The following MED27 variants were observed in gnomAD, a reference collection of about 807,000 sequenced individuals.
MED27 encodes the protein mediator complex subunit 27, also known as mediator of RNA polymerase II transcription subunit 27.
Under a neutral mutation model 38.2 loss-of-function variants are expected in MED27, and 30 were observed. That is an observed-to-expected ratio of 0.79 (90% CI 0.59 to 1.07). MED27 has a LOEUF of 1.07. MED27 is among the 50% of genes least tolerant of loss of function. The pLI is 0.00. For synonymous variants in MED27, 122 were observed against 153.5 expected (o/e 0.79, Z 1.52); for missense variants, 289 against 397.5 (o/e 0.73, Z 2.32).
chr9:132,018,382 A>C (rs1408919608), intron 2 of MED27, among the ~76,000 whole-genome samples: 1 of 152,238 alleles, frequency 6.6e-6, no homozygotes, highest in Non-Finnish European at 1.5e-5. Context: ...AGGAAATGAT[A>C]AAAACAGGAT....
chr9:131,965,113 T>C (rs1317235128), intron 3 of MED27, among the ~76,000 whole-genome samples: 1 of 152,206 alleles, frequency 6.6e-6, no homozygotes, highest in Non-Finnish European at 1.5e-5. Flanking sequence ...GAAAATAAAT[T>C]ATTCATGAAG....
chr9:131,885,496 G>A (rs1459087220), intron 5 of MED27, among the ~76,000 whole-genome samples: 1 of 152,098 alleles, frequency 6.6e-6, no homozygotes, highest in Non-Finnish European at 1.5e-5. Context: ...ACTGACGCCC[G>A]GCTGGTCAAG....
chr9:131,891,799 C>T (rs1308950251), intron 5 of MED27, among the ~76,000 whole-genome samples: 1 of 152,004 alleles, frequency 6.6e-6, no homozygotes, highest in Admixed American at 6.6e-5. Context: ...AGAAGTGAGG[C>T]GGTGCGTGCA....
intron 2 of MED27, among the ~76,000 whole-genome samples, chr9:132,028,229 C>T (rs540061494): frequency 6.6e-6 from 1 of 152,316 alleles, no homozygotes; most frequent in African/African-American, 2.4e-5. Context: ...TTGAACTTCA[C>T]CTTCTAAGAG....
chr9:131,874,655 G>A (rs1589174666), intron 6 of MED27, among the ~76,000 whole-genome samples: 2 of 152,172 alleles, frequency 1.3e-5, no homozygotes, highest in Non-Finnish European at 2.9e-5. Flanking sequence ...GGTCCTGACC[G>A]CCTTCGGCGT....
chr9:131,947,244 A>T (rs991718784), intron 3 of MED27, among the ~76,000 whole-genome samples: 1 of 152,210 alleles, frequency 6.6e-6, no homozygotes, highest in African/African-American at 2.4e-5. Context: ...ATCAAAAGTC[A>T]CCAACAACAG....
intron 4 of MED27, among the ~76,000 whole-genome samples, chr9:131,919,748 A>C (rs1830355772): frequency 6.6e-6 from 1 of 152,062 alleles, no homozygotes; most frequent in Non-Finnish European, 1.5e-5. Flanking sequence ...CATGAATTTT[A>C]TACTTGAAAG....
chr9:131,867,747 G>A (rs1038981479), intron 6 of MED27, among the ~76,000 whole-genome samples: 1 of 152,236 alleles, frequency 6.6e-6, no homozygotes, highest in African/African-American at 2.4e-5. Flanking sequence ...AGCCCCTCCA[G>A]GCTATTCCTA....
At chr9:132,038,392 C>T (rs1418762704) in intron 2 of MED27, among the ~76,000 whole-genome samples, 2 of 151,530 alleles carry the variant, frequency 1.3e-5, no homozygotes, top group African/African-American at 2.4e-5. Context: ...CGGGGTTTCA[C>T]CGTTTTAGCC....
intron 4 of MED27, among the ~76,000 whole-genome samples, chr9:131,919,434 A>G (rs1159193547): frequency 6.6e-6 from 1 of 151,838 alleles, no homozygotes; most frequent in African/African-American, 2.4e-5. Context: ...CAGGCTGGGG[A>G]AGAGCTGAGC....
intron 3 of MED27, among the ~76,000 whole-genome samples, chr9:132,001,150 G>T (rs1193998643): frequency 6.6e-6 from 1 of 152,056 alleles, no homozygotes; most frequent in Non-Finnish European, 1.5e-5. Context: ...CCTCTAATAT[G>T]ACTTCTAGAA....
chr9:132,052,602 G>A (rs1441920501), intron 2 of MED27, among the ~76,000 whole-genome samples: 1 of 151,666 alleles, frequency 6.6e-6, no homozygotes, highest in Non-Finnish European at 1.5e-5. Flanking sequence ...TGGTTTCAGC[G>A]TAACCATCAC....
intron 6 of MED27, among the ~76,000 whole-genome samples, chr9:131,867,440 G>A (rs1280457140): frequency 2.0e-5 from 3 of 152,218 alleles, no homozygotes; most frequent in Non-Finnish European, 4.4e-5. Context: ...AGAACTACAG[G>A]AGGTTTGTCA....
At chr9:131,957,879 G>C (rs1589233635) in intron 3 of MED27, among the ~76,000 whole-genome samples, 1 of 145,816 alleles carries the variant, frequency 6.9e-6, no homozygotes, top group Admixed American at 6.9e-5. Flanking sequence ...AGGAATTCAA[G>C]ACGACCCTGT....
intron 4 of MED27, among the ~76,000 whole-genome samples, chr9:131,928,019 G>A (rs776659163): frequency 2.0e-5 from 3 of 152,064 alleles, no homozygotes; most frequent in Non-Finnish European, 4.4e-5. Context: ...CCATGCATAT[G>A]CACAAACAAC....
In MED27 at chr9:132,015,619, G is replaced by A. The variant is rs994729735; in HGVS notation, c.349-1152C>T. 2.0e-5 allele frequency among the ~76,000 whole-genome samples: 3 copies of A among 152,116 alleles called. No homozygotes were observed. The South Asian group carries it at 6.2e-4, about 32-fold the overall frequency. ...ACAGAAAGCTCATTTGTGCCCTAAC[G>A]CAGTCAATCCCCTTAGCACCTAACA... On this transcript the variant is annotated intron_variant, in intron 2 of 7. Transcript: ENST00000292035.
chr9:132,058,861 G>A (rs913704555), intron 2 of MED27, among the ~76,000 whole-genome samples: 6 of 152,072 alleles, frequency 3.9e-5, no homozygotes, highest in African/African-American at 1.4e-4. Context: ...TGCATTTTAC[G>A]GTCACAGTGT....
chr9:132,047,441 GAC>G (rs56144736), intron 2 of MED27, among the ~76,000 whole-genome samples: 3,363 of 145,222 alleles, frequency 0.023, 119 homozygotes, highest in African/African-American at 0.074. Flanking sequence ...TAATGTTTTA[GAC>G]ACACACACAC....
At chr9:131,947,950 C>T (rs1830915182) in intron 3 of MED27, among the ~76,000 whole-genome samples, 1 of 152,216 alleles carries the variant, frequency 6.6e-6, no homozygotes, top group Non-Finnish European at 1.5e-5. Flanking sequence ...TTTTCCTCTA[C>T]ACCTGTCCGC....
Sources: allele counts gnomAD v4.1 joint callset (sites outside exome capture counted in the v4.1 genomes callset), GRCh38; gene constraint gnomAD v4.1.1; transcripts MANE v1.5; gene names NCBI Gene and HGNC (gene_info 2026-07-23, HGNC 2026-07-21).